Variants in CLYBL observed in about 807,000 individuals in gnomAD.
CLYBL encodes citramalyl-CoA lyase, mitochondrial.
A neutral mutation model predicts 38.9 loss-of-function variants in CLYBL; 31 were observed. The observed-to-expected ratio is 0.80, with a 90% CI of 0.60 to 1.08. The LOEUF is 1.08. CLYBL is among the 50% of genes least tolerant of loss of function. The probability of loss-of-function intolerance (pLI) is 0.00; values close to 1 mark genes in which losing one functional copy is unlikely to be tolerated. For synonymous variants in CLYBL, 171 were observed against 158.6 expected, an observed-to-expected ratio of 1.08 and a Z score of -0.59; for missense variants, 434 against 411.6, an observed-to-expected ratio of 1.05 and a Z score of -0.47.
intron 2 of CLYBL, among the ~76,000 whole-genome samples, chr13:99,793,829 A>C (rs1202315370): frequency 6.6e-6 from 1 of 151,934 alleles, no homozygotes; most frequent in Non-Finnish European, 1.5e-5. Flanking sequence ...ATCTGGCTAC[A>C]GAAAGCCCGG....
chr13:99,689,892 A>C (rs939098243), intron 1 of CLYBL, among the ~76,000 whole-genome samples: 3 of 152,232 alleles, frequency 2.0e-5, no homozygotes, highest in Non-Finnish European at 2.9e-5. Context: ...CTGTCAAAAA[A>C]ACAAGTTAAA....
chr13:99,637,753 A>T (rs538451549), intron 1 of CLYBL, among the ~76,000 whole-genome samples: 29 of 152,172 alleles, frequency 1.9e-4, no homozygotes, highest in African/African-American at 7.0e-4. Flanking sequence ...GTGTGACTTC[A>T]TCTCAAATAA....
intron 1 of CLYBL, among the ~76,000 whole-genome samples, chr13:99,755,002 A>C (rs972476575): frequency 4.7e-5 from 7 of 150,536 alleles, no homozygotes; most frequent in Non-Finnish European, 1.0e-4. Context: ...GGTTGACGCC[A>C]TTCTCCTGCT....
At chr13:99,829,278 G>GT (rs202119032) in intron 2 of CLYBL, among the ~76,000 whole-genome samples, 4 of 152,152 alleles carry the variant, frequency 2.6e-5, no homozygotes, top group African/African-American at 9.6e-5. Flanking sequence ...AAACCTTCCT[G>GT]TTTTTTTTCT....
At chr13:99,908,342 C>T (rs2052718146) in exon 10 of CLYBL, among the ~76,000 whole-genome samples, 2 of 152,194 alleles carry the variant, frequency 1.3e-5, no homozygotes, top group African/African-American at 4.8e-5. Flanking sequence ...TTTGTGGAAT[C>T]GTTCCTGCTT....
At chr13:99,831,257 T>G (rs1270440255) in intron 2 of CLYBL, among the ~76,000 whole-genome samples, 2 of 152,220 alleles carry the variant, frequency 1.3e-5, no homozygotes, top group East Asian at 3.8e-4. Flanking sequence ...GCTGCCAATT[T>G]TATGGTCATT....
At chr13:99,709,793 C>G (rs747546873) in intron 1 of CLYBL, among the ~76,000 whole-genome samples, 3 of 151,552 alleles carry the variant, frequency 2.0e-5, no homozygotes, top group Non-Finnish European at 2.9e-5. Context: ...TGAATTCTTT[C>G]AATAAATAGG....
intron 1 of CLYBL, among the ~76,000 whole-genome samples, chr13:99,609,156 T>C (rs549003700): frequency 6.8e-6 from 1 of 147,988 alleles, no homozygotes; most frequent in East Asian, 2.0e-4. Flanking sequence ...ACAATGTCAA[T>C]TGACCTGTCT....
At chr13:99,635,948 G>A (rs781487287) in intron 1 of CLYBL, among the ~76,000 whole-genome samples, 1 of 152,146 alleles carries the variant, frequency 6.6e-6, no homozygotes. Context: ...TAAACATTGT[G>A]TTGATTAAAC....
At chr13:99,907,690 T>G (rs1388191663) in intron 9 of CLYBL, among the ~76,000 whole-genome samples, 1 of 151,946 alleles carries the variant, frequency 6.6e-6, no homozygotes, top group African/African-American at 2.4e-5. Context: ...GACCCCTCTA[T>G]CTCTAAAAAA....
intron 2 of CLYBL, among the ~76,000 whole-genome samples, chr13:99,854,290 T>C (rs2051403328): frequency 6.6e-6 from 1 of 152,008 alleles, no homozygotes; most frequent in Non-Finnish European, 1.5e-5. Flanking sequence ...ATTCAGATGT[T>C]ATGAAACTGT....
At chr13:99,846,813 A>G (rs928181881) in intron 2 of CLYBL, among the ~76,000 whole-genome samples, 8 of 152,304 alleles carry the variant, frequency 5.3e-5, no homozygotes, top group African/African-American at 1.9e-4. Context: ...AGTGTTGTAG[A>G]AGCAGTTGGC....
At chr13:99,685,009 T>C (rs1227705844) in intron 1 of CLYBL, among the ~76,000 whole-genome samples, 5 of 152,274 alleles carry the variant, frequency 3.3e-5, no homozygotes, top group Admixed American at 6.5e-5. Flanking sequence ...ACTTTGGTTT[T>C]TAATATTTCT....
At chr13:99,808,320 A>G (rs2050272649) in intron 2 of CLYBL, among the ~76,000 whole-genome samples, 1 of 152,150 alleles carries the variant, frequency 6.6e-6, no homozygotes, top group Non-Finnish European at 1.5e-5. Flanking sequence ...TCCTGGGCTC[A>G]GGCGATCAGC....
intron 1 of CLYBL, among the ~76,000 whole-genome samples, chr13:99,754,416 C>CAAAAAAAAAAAAAAAAA (rs1172376194): frequency 5.6e-5 from 4 of 71,884 alleles, no homozygotes; most frequent in African/African-American, 1.7e-4. Context: ...GACCCTGTCT[C>CAAAAAAAAAAAAAAAAA]AAAAAAAAAA....
intron 1 of CLYBL, among the ~76,000 whole-genome samples, chr13:99,641,440 T>C (rs1594097100): frequency 6.6e-6 from 1 of 151,878 alleles, no homozygotes; most frequent in South Asian, 2.1e-4. Context: ...GAGGCCGAGG[T>C]GGGTGGATCA....
At chr13:99,717,154 G>A (rs1220055927) in intron 1 of CLYBL, among the ~76,000 whole-genome samples, 1 of 151,802 alleles carries the variant, frequency 6.6e-6, no homozygotes, top group African/African-American at 2.4e-5. Context: ...GGGCTGGCAT[G>A]GTGGCTTACG....
At chr13:99,648,811 A>G (rs966146379) in intron 1 of CLYBL, among the ~76,000 whole-genome samples, 1 of 152,116 alleles carries the variant, frequency 6.6e-6, no homozygotes, top group African/African-American at 2.4e-5. Context: ...CTACACATCA[A>G]GGTATCATTT....
intron 1 of CLYBL, among the ~76,000 whole-genome samples, chr13:99,748,916 C>T (rs1219904670): frequency 2.0e-5 from 3 of 152,090 alleles, no homozygotes; most frequent in African/African-American, 7.2e-5. Flanking sequence ...CCAGGCAGGT[C>T]GCCTGTAATC....
Sources: allele counts gnomAD v4.1 joint callset (sites outside exome capture counted in the v4.1 genomes callset), GRCh38; gene constraint gnomAD v4.1.1; transcripts MANE v1.5; gene names NCBI Gene and HGNC (gene_info 2026-07-23, HGNC 2026-07-21).